Variants in TMPRSS11B observed in about 807,000 individuals in gnomAD.
The protein encoded by TMPRSS11B is transmembrane serine protease 11B.
Under a neutral mutation model 44.7 loss-of-function variants are expected in TMPRSS11B, and 53 were observed. That is an observed-to-expected ratio of 1.19 (90% CI 0.95 to 1.49). The LOEUF is 1.49. Among genes scored for constraint, TMPRSS11B ranks in the 40% most tolerant of loss-of-function variants. The probability of loss-of-function intolerance (pLI) is 0.00; values close to 1 mark genes in which losing one functional copy is unlikely to be tolerated. For missense variants in TMPRSS11B, 526 were observed against 494.8 expected (o/e 1.06, Z -0.60); for synonymous variants, 140 against 159.2 (o/e 0.88, Z 0.91).
intron 1 of TMPRSS11B, among the ~76,000 whole-genome samples, chr4:68,244,560 A>G: frequency 6.6e-6 from 1 of 152,248 alleles, no homozygotes; most frequent in Non-Finnish European, 1.5e-5. Context: ...CAGCTCCATC[A>G]CAGGGGAAAA....
rs1373950272 is a variant in TMPRSS11B, at chr4:68,228,018, C to A, written c.1144G>T (p.Val382Phe). The A allele has an allele frequency of 6.2e-7, 1 of 1,613,726 alleles. No individual in the cohort carries two copies. The highest frequency in any genetic ancestry group is 8.5e-7 in the Non-Finnish European group (1 of 1,179,956). Residue 382 changes from valine to phenylalanine, a missense_variant, in exon 10 of 10, where the codon GTT (valine) becomes TTT (phenylalanine). Transcript: ENST00000332644. ...CCATCACCCCAGCTTACTATTCCAACAAGATGCCAGATATTTCTGGAATCA... is the reference window on the plus strand; with the variant it reads ...CCATCACCCCAGCTTACTATTCCAAAAAGATGCCAGATATTTCTGGAATCA... ...YPDSRNIWHLVGIVSWGDGCG... is the reference protein window; with the variant it reads ...YPDSRNIWHLFGIVSWGDGCG...
intron 2 of TMPRSS11B, among the ~76,000 whole-genome samples, chr4:68,240,550 GA>G (rs566125634): frequency 4.6e-4 from 70 of 152,272 alleles, no homozygotes; most frequent in African/African-American, 1.6e-3. Flanking sequence ...GACCTGTTAA[GA>G]TGCAAACTGT....
intron 1 of TMPRSS11B, 110 bp from the exon 2 acceptor site, chr4:68,241,914 G>C: frequency 3.0e-6 from 2 of 661,258 alleles, no homozygotes; most frequent in Non-Finnish European, 5.5e-6. Context: ...AGTCCTTTAT[G>C]CTAGCTGAAA....
chr4:68,228,065 G>C lies in TMPRSS11B; in HGVS notation c.1097C>G (p.Ser366Cys). The C allele has an allele frequency of 6.3e-7, 1 of 1,595,688 alleles. No homozygotes were observed. The highest frequency in any genetic ancestry group is 8.5e-7 in the Non-Finnish European group (1 of 1,175,270). Residue 366 changes from serine to cysteine, a missense_variant, in exon 10 of 10, where the codon TCT becomes TGT. Ser to Cys is a moderately radical substitution (Grantham distance 112). Coordinates refer to ENST00000332644, the MANE Select transcript of TMPRSS11B (RefSeq NM_182502.3). ...ATCAGGGTAAGCTAGTGGTCCACCAGAATCATTCTAGAAGAAGAAAAGAAA... is the reference window on the plus strand; with the variant it reads ...ATCAGGGTAAGCTAGTGGTCCACCACAATCATTCTAGAAGAAGAAAAGAAA... ...SGEADACQND[S>C]GGPLAYPDSR...
intron 8 of TMPRSS11B, 89 bp from the exon 9 acceptor site, chr4:68,228,973 G>A: frequency 7.1e-7 from 1 of 1,415,860 alleles, no homozygotes; most frequent in Non-Finnish European, 9.6e-7. Context: ...AGACTCTCTT[G>A]GTCACCAAGA....
rs768327993 is a variant in TMPRSS11B at position 68,232,385 on chromosome 4, G to A, written c.501C>T (p.Thr167=). ...EISKAASEML[T]NNCCGRQVAN... is the part of the protein sequence containing the mutation. Reference sequence around the variant, plus strand: ...AAAAGGTCCTTAACTTACAGTTGTTGGTAAGCATTTCAGAAGCAGCCTTGC... The same window carrying A: ...AAAAGGTCCTTAACTTACAGTTGTTAGTAAGCATTTCAGAAGCAGCCTTGC... Residue 167 remains threonine, a synonymous_variant, in exon 6 of 10, where the codon ACC becomes ACT. Coordinates refer to ENST00000332644, the MANE Select transcript of TMPRSS11B (RefSeq NM_182502.3). The A allele has an allele frequency of 1.2e-6, 2 of 1,612,066 alleles. No individual in the cohort carries two copies. The highest frequency in any genetic ancestry group is 1.7e-6 in the Non-Finnish European group (2 of 1,179,040).
rs562106711 is a variant in TMPRSS11B at position 68,245,406 on chromosome 4, A to G, written c.8+145T>C. On this transcript the variant is annotated intron_variant, in intron 1 of 9. Transcript: ENST00000332644. Reference sequence around the variant, plus strand: ...CCCAGAGACTTCAAAGGGTCTGTAGACCTCAGACAATAGAGTGTTTCTTAA... The same window carrying G: ...CCCAGAGACTTCAAAGGGTCTGTAGGCCTCAGACAATAGAGTGTTTCTTAA... 2.1e-5 allele frequency: 18 copies of G among 876,234 alleles called. No individual in the cohort carries two copies. The Admixed American group carries it at 2.5e-4, about 12-fold the overall frequency. The allele number at this position is 876,234 out of a possible 1,614,324, so 54.3% of individuals were successfully genotyped here. A position where few individuals can be genotyped will look rare whatever the true frequency, so the allele number is the denominator to read the frequency against.
At position 68,227,918 on chromosome 4, in the gene TMPRSS11B, C is replaced by A; in HGVS notation, c.1244G>T (p.Gly415Val). 6 of 1,602,638 alleles carry A rather than the reference C, an allele frequency of 3.7e-6. No homozygotes were observed. Among genetic ancestry groups the A allele is most frequent in the Non-Finnish European group, 5.1e-6 (6 of 1,176,120 alleles). ...SYRNWITSKT[G>V]L The stretch of plus-strand genomic sequence containing the variant: ...TGTATAATTCCTTTTTTTTCAGAGT[C>A]CAGTCTTGGATGTAATCCAATTGCG... The change falls in exon 10 of 10, where the codon GGA (glycine) becomes GTA (valine). Residue 415 changes from glycine (G) to valine (V), a missense_variant. Coordinates refer to ENST00000332644, the MANE Select transcript of TMPRSS11B (RefSeq NM_182502.3).
At chr4:68,232,552 T>A in intron 5 of TMPRSS11B, 136 bp from the exon 6 acceptor site, 2 of 699,540 alleles carry the variant, frequency 2.9e-6, no homozygotes, top group Non-Finnish European at 4.8e-6. Flanking sequence ...AGTTCAGGTA[T>A]TTTCAGCCCC....
chr4:68,233,946 C>T (rs1719589288), intron 5 of TMPRSS11B, among the ~76,000 whole-genome samples: 1 of 151,784 alleles, frequency 6.6e-6, no homozygotes, highest in African/African-American at 2.4e-5. Flanking sequence ...CCGAGGTGGG[C>T]AGATCACAAG....
intron 9 of TMPRSS11B, among the ~76,000 whole-genome samples, chr4:68,228,371 G>T (rs1287062668): frequency 6.6e-6 from 1 of 152,168 alleles, no homozygotes; most frequent in Non-Finnish European, 1.5e-5. Flanking sequence ...CTATGATGAA[G>T]CCTCTGAGGA....
chr4:68,235,005 A>G (rs1001792329), intron 4 of TMPRSS11B, among the ~76,000 whole-genome samples: 9 of 152,212 alleles, frequency 5.9e-5, no homozygotes, highest in Non-Finnish European at 1.3e-4. Context: ...AAATAAAGAT[A>G]GGGCAGGGAA....
At chr4:68,233,985 C>A (rs997347052) in intron 5 of TMPRSS11B, among the ~76,000 whole-genome samples, 3 of 151,956 alleles carry the variant, frequency 2.0e-5, no homozygotes, top group Non-Finnish European at 2.9e-5. Context: ...GTGTGACTAA[C>A]ATGGTAAAAC....
chr4:68,236,416 T>G, intron 2 of TMPRSS11B, 150 bp from the exon 3 acceptor site: 1 of 585,918 alleles, frequency 1.7e-6, no homozygotes. Flanking sequence ...GCCTTAACAT[T>G]TATACCTCTG....
At chr4:68,231,096 A>G in intron 7 of TMPRSS11B, 107 bp downstream of exon 7, 17 of 899,752 alleles carry the variant, frequency 1.9e-5, no homozygotes, top group Non-Finnish European at 2.5e-5. Flanking sequence ...GTGATTGTAA[A>G]TTTCATATGG....
rs1719505771 is a variant in TMPRSS11B, at chr4:68,231,266, T to G, written c.623A>C (p.His208Pro). The G allele has an allele frequency of 6.2e-7, 1 of 1,613,808 alleles. No individual in the cohort carries two copies. Among genetic ancestry groups the G allele is most frequent in the East Asian group, 2.2e-5 (1 of 44,884 alleles). The change falls in exon 7 of 10, where the codon CAC becomes CCC. Residue 208 changes from histidine (H) to proline (P), a missense_variant. By Grantham distance (77) the His-to-Pro change is moderately conservative (BLOSUM62 -2). Coordinates refer to ENST00000332644, the MANE Select transcript of TMPRSS11B (RefSeq NM_182502.3). ...GCTGATCAGAGAGGCTCCACAGTAGTGACGGCCTTTCCATTGCATGCTGGC... is the reference window on the plus strand; with the variant it reads ...GCTGATCAGAGAGGCTCCACAGTAGGGACGGCCTTTCCATTGCATGCTGGC... ...WQASMQWKGR[H>P]YCGASLISSR...
Position 68,227,751 on chromosome 4 carries a change from G to T in TMPRSS11B, c.*160C>A. ...AATTTAAAAGATTAATAAATGCATG[G>T]ACAGTGTTTTAGATATAATAAAATA... is the stretch of plus-strand genomic sequence containing the variant. On this transcript the variant is annotated 3_prime_UTR_variant, in exon 10 of 10. Transcript: ENST00000332644. 2.8e-6 allele frequency: 1 copy of T among 357,698 alleles called. No homozygotes were observed. 22.2% of individuals were successfully genotyped at this position (357,698 alleles called of 1,614,324 possible).
chr4:68,239,914 T>C (rs2109963252), intron 2 of TMPRSS11B, among the ~76,000 whole-genome samples: 1 of 152,306 alleles, frequency 6.6e-6, no homozygotes, highest in Admixed American at 6.5e-5. Context: ...ATAAACTATC[T>C]GAAGAATTAT....
intron 1 of TMPRSS11B, among the ~76,000 whole-genome samples, chr4:68,243,009 AG>A (rs1719902084): frequency 6.6e-6 from 1 of 152,216 alleles, no homozygotes; most frequent in Admixed American, 6.6e-5. Flanking sequence ...ATAGAGATAA[AG>A]CAGTTTATGG....
Sources: gnomAD v4.1 joint callset for allele counts (sites outside exome capture counted in the v4.1 genomes callset) on GRCh38, gnomAD v4.1.1 for gene constraint, MANE v1.5 for transcripts, NCBI Gene and HGNC (gene_info 2026-07-23, HGNC 2026-07-21) for gene names.